The following PARD3B variants were observed in gnomAD, a reference collection of about 807,000 sequenced individuals.
PARD3B encodes partitioning defective 3 homolog B.
In PARD3B, 103 loss-of-function variants were observed where a neutral mutation model predicts 130.2. That is an observed-to-expected ratio of 0.79 (90% CI 0.67 to 0.93). The LOEUF (loss-of-function observed/expected upper bound fraction) is 0.93, where lower values mean the gene tolerates loss of function less well. PARD3B is among the 40% of genes least tolerant of loss of function. PARD3B has a pLI of 0.00. For synonymous variants in PARD3B, 583 were observed against 553.2 expected, an observed-to-expected ratio of 1.05 and a Z score of -0.76; for missense variants, 1,609 against 1,499.2, an observed-to-expected ratio of 1.07 and a Z score of -1.21.
chr2:205,385,237 T>A (rs1365202763), intron 18 of PARD3B, among the ~76,000 whole-genome samples: 3 of 152,096 alleles, frequency 2.0e-5, no homozygotes, highest in African/African-American at 7.2e-5. Flanking sequence ...TTTCAAGTAC[T>A]TCTTATACTC....
In PARD3B at chr2:205,185,264, G is replaced by GTT. The variant is rs758900096; in HGVS notation, c.1925-499_1925-498insTT. On this transcript the variant is annotated intron_variant, in intron 13 of 22. Coordinates refer to ENST00000406610, the MANE Select transcript of PARD3B (RefSeq NM_001302769.2). ...AAAAAGAGCGCACGTTTGTGTGTTT[G>GTT]TGTGTGTGTGTGTGTGTGTTTATCT... is the stretch of plus-strand genomic sequence containing the variant. Among the ~76,000 whole-genome samples, 6 of 150,300 alleles carry GTT rather than the reference G, an allele frequency of 4.0e-5. No homozygotes were observed. In the East Asian group the frequency reaches 1.2e-3, roughly 29 times the overall value.
Position 205,401,003 on chromosome 2 carries a change from G to A in PARD3B, c.2631-10G>A, listed in dbSNP as rs372362225. The A allele has an allele frequency of 5.8e-4, 916 of 1,575,224 alleles. 2 individuals carry two copies. Among genetic ancestry groups the A allele is most frequent in the Non-Finnish European group, 5.6e-4 (642 of 1,155,522 alleles). ...TATTGTTAACAGCCTTCTCCTTCAC[G>A]TTTCACTAGATTTGGAAAGAAGAAA... On this transcript the variant is annotated splice_polypyrimidine_tract_variant and intron_variant, in intron 18 of 22. Coordinates refer to ENST00000406610, the MANE Select transcript of PARD3B (RefSeq NM_001302769.2).
chr2:205,163,018 A>C (rs944178582), intron 11 of PARD3B, among the ~76,000 whole-genome samples: 1 of 152,192 alleles, frequency 6.6e-6, no homozygotes, highest in Non-Finnish European at 1.5e-5. Context: ...GCTACCCTAA[A>C]GAATTACTTT....
At chr2:204,611,469 A>G (rs1421514642) in intron 1 of PARD3B, among the ~76,000 whole-genome samples, 1 of 152,140 alleles carries the variant, frequency 6.6e-6, no homozygotes, top group Non-Finnish European at 1.5e-5. Context: ...TTTGGTTAAA[A>G]TGTTACTTTG....
intron 18 of PARD3B, among the ~76,000 whole-genome samples, chr2:205,319,258 A>G (rs1373593640): frequency 6.6e-6 from 1 of 152,020 alleles, no homozygotes; most frequent in Non-Finnish European, 1.5e-5. Context: ...GTCGGCTTCT[A>G]CTCTGGAATC....
rs1411675321 is a variant in PARD3B at position 205,558,902 on chromosome 2, C to A, written c.3260+5499C>A. Among the ~76,000 whole-genome samples the A allele has an allele frequency of 6.6e-6, 1 of 152,152 alleles. No homozygotes were observed. The highest frequency in any genetic ancestry group is 1.5e-5 in the Non-Finnish European group (1 of 68,030). On this transcript the variant is annotated intron_variant, in intron 22 of 22. Coordinates refer to ENST00000406610, the MANE Select transcript of PARD3B (RefSeq NM_001302769.2). This position sits in a 1 kb window ranked among gnomAD's most constrained non-coding sequence, Gnocchi z 4.8. ...GCACCTTCCCAGTGCCCTAAAAACA[C>A]CCTGAATTGGATTATTCTCCACTGC...
chr2:205,036,577 AATAT>A (rs1011810489), intron 3 of PARD3B, among the ~76,000 whole-genome samples: 4 of 149,728 alleles, frequency 2.7e-5, no homozygotes, highest in African/African-American at 7.3e-5. Context: ...ATGTACAAAA[AATAT>A]ATATACACAG....
rs115490230 is a variant in PARD3B, at chr2:205,104,434, G to C, written c.513G>C (p.Thr171=). 1.3e-5 allele frequency: 21 copies of C among 1,596,146 alleles called. No homozygotes were observed. The change falls in exon 5 of 23, where the codon ACG becomes ACC. Residue 171 remains threonine (T), a synonymous_variant. Transcript: ENST00000406610. The part of the protein sequence containing the change: ...QSLKLVVPDS[T]QNLEDREVLN... ...ACTTTGTTTCACTATAGGATTCCAC[G>C]CAGAACTTGGAAGACAGAGAAGTTT...
intron 2 of PARD3B, among the ~76,000 whole-genome samples, chr2:204,855,036 G>T (rs1188992434): frequency 1.3e-5 from 2 of 152,080 alleles, no homozygotes; most frequent in Non-Finnish European, 2.9e-5. Context: ...CAGATTGGTT[G>T]GATTAGGCAT....
In PARD3B at chr2:205,563,875, A is replaced by G. The variant is rs543776380; in HGVS notation, c.3260+10472A>G. On this transcript the variant is annotated intron_variant, in intron 22 of 22. Transcript: ENST00000406610. The surrounding 1 kb of genome is among the most constrained non-coding windows in gnomAD (Gnocchi z 4.2). Reference sequence around the variant, plus strand: ...GCTGCACAGACCATGTGCATGGACCAGGTCCCCAGCCCCTAGATTGCACTC... The same window carrying G: ...GCTGCACAGACCATGTGCATGGACCGGGTCCCCAGCCCCTAGATTGCACTC... Among the ~76,000 whole-genome samples, 363 of 152,310 alleles carry G rather than the reference A, an allele frequency of 2.4e-3. 2 individuals are homozygous for G. Among genetic ancestry groups the G allele is most frequent in the Middle Eastern group, 0.014 (4 of 294 alleles).
chr2:204,736,951 A>T (rs768137095), intron 2 of PARD3B, among the ~76,000 whole-genome samples: 1 of 151,860 alleles, frequency 6.6e-6, no homozygotes, highest in Non-Finnish European at 1.5e-5. Flanking sequence ...TTGTTTTTTG[A>T]CTATTTATTT....
At chr2:205,432,804 A>C (rs907916384) in intron 19 of PARD3B, among the ~76,000 whole-genome samples, 1 of 152,092 alleles carries the variant, frequency 6.6e-6, no homozygotes, top group Non-Finnish European at 1.5e-5. Flanking sequence ...AACTCCCTTC[A>C]AAAACTCCTA....
intron 1 of PARD3B, among the ~76,000 whole-genome samples, chr2:204,647,540 T>A (rs2035316855): frequency 6.6e-6 from 1 of 151,842 alleles, no homozygotes; most frequent in Admixed American, 6.6e-5. Flanking sequence ...TTGTATGTAA[T>A]AAGACTGGAA....
intron 21 of PARD3B, among the ~76,000 whole-genome samples, chr2:205,523,500 C>A (rs1171201757): frequency 6.6e-6 from 1 of 151,882 alleles, no homozygotes; most frequent in Non-Finnish European, 1.5e-5. Context: ...TAATTTCAGT[C>A]ATACTGGCTT....
rs745953565 is a variant in PARD3B at position 205,591,392 on chromosome 2, G to A, written c.3261-24064G>A. Among the ~76,000 whole-genome samples the A allele has an allele frequency of 5.9e-5, 9 of 152,106 alleles. No homozygotes were observed. Among genetic ancestry groups the A allele is most frequent in the Non-Finnish European group, 8.8e-5 (6 of 68,014 alleles). On this transcript the variant is annotated intron_variant, in intron 22 of 22. Transcript: ENST00000406610. This position sits in a 1 kb window ranked among gnomAD's most constrained non-coding sequence, Gnocchi z 4.2. ...CTGAGAAAAGCACATGAGAAGTTAT[G>A]GAATCAAGAATAAATAAAAAGTTGG...
At chr2:205,532,147 A>G (rs1414446923) in intron 21 of PARD3B, among the ~76,000 whole-genome samples, 3 of 152,222 alleles carry the variant, frequency 2.0e-5, no homozygotes, top group Non-Finnish European at 4.4e-5. Context: ...TTTATACAAA[A>G]TTAATGTTGA....
At chr2:205,031,920 G>A (rs908051136) in intron 3 of PARD3B, among the ~76,000 whole-genome samples, 3 of 152,060 alleles carry the variant, frequency 2.0e-5, no homozygotes, top group African/African-American at 4.8e-5. Context: ...TTAATTGATA[G>A]AAACCAAGCC....
At chr2:204,983,208 G>C (rs558835781) in intron 3 of PARD3B, among the ~76,000 whole-genome samples, 2 of 152,216 alleles carry the variant, frequency 1.3e-5, no homozygotes, top group East Asian at 3.9e-4. Context: ...CTGATAATTT[G>C]CAGACATTAT....
chr2:204,741,676 C>G lies in PARD3B; in HGVS notation c.222+55394C>G, dbSNP rs534355694. ...TCTACCACCTTTATAGAAAATACAC[C>G]TCTTATACCTGTAATTTAGCAAATT... On this transcript the variant is annotated intron_variant, in intron 2 of 22. Coordinates refer to ENST00000406610, the MANE Select transcript of PARD3B (RefSeq NM_001302769.2). 3.6e-4 allele frequency among the ~76,000 whole-genome samples: 55 copies of G among 152,200 alleles called. 1 individual carries two copies. Among genetic ancestry groups the G allele is most frequent in the African/African-American group, 1.3e-3 (55 of 41,516 alleles).
Sources: gnomAD v4.1 joint callset for allele counts (sites outside exome capture counted in the v4.1 genomes callset) on GRCh38, gnomAD v4.1.1 for gene constraint, Gnocchi (gnomAD v3.1) non-coding constraint, MANE v1.5 for transcripts, NCBI Gene and HGNC (gene_info 2026-07-23, HGNC 2026-07-21) for gene names.